Variants in AGBL1 observed in about 807,000 individuals in gnomAD.
AGBL1 encodes AGBL carboxypeptidase 1.
In AGBL1, 130 loss-of-function variants were observed where a neutral mutation model predicts 118.9. The observed-to-expected ratio is 1.09, with a 90% CI of 0.95 to 1.26. The LOEUF (loss-of-function observed/expected upper bound fraction) is 1.26, where lower values mean the gene tolerates loss of function less well. AGBL1 is among the 50% of genes most tolerant of loss of function. The probability of loss-of-function intolerance (pLI) is 0.00; values close to 1 mark genes in which losing one functional copy is unlikely to be tolerated. For missense variants in AGBL1, 1,584 were observed against 1,298.1 expected, an observed-to-expected ratio of 1.22 and a Z score of -3.38; for synonymous variants, 555 against 478.9, an observed-to-expected ratio of 1.16 and a Z score of -2.08.
rs554005610 is a variant in AGBL1, at chr15:86,094,205, A to G, written c.51+14182A>G. On this transcript the variant is annotated intron_variant, in intron 1 of 22. Transcript: ENST00000614907. ...TTAAGCTCTCATTTATAAGCTTGTG[A>G]TTAATTTTCGACCAAAACTCTCCCT... Among the ~76,000 whole-genome samples, 357 of 152,250 alleles carry G rather than the reference A, an allele frequency of 2.3e-3. 15 individuals are homozygous for G. The South Asian group carries it at 0.067, about 28-fold the overall frequency.
At chr15:86,288,518 G>A (rs1199579712) in intron 16 of AGBL1, among the ~76,000 whole-genome samples, 2 of 151,548 alleles carry the variant, frequency 1.3e-5, no homozygotes, top group Non-Finnish European at 2.9e-5. Context: ...TTTTATTTTT[G>A]CTGTTTCGAA....
At chr15:86,110,463 ATCATCTTAAGGGTCT>A (rs1240918956) in intron 1 of AGBL1, among the ~76,000 whole-genome samples, 1 of 152,188 alleles carries the variant, frequency 6.6e-6, no homozygotes, top group African/African-American at 2.4e-5. Flanking sequence ...GTGGGAGTGG[ATCATCTTAAGGGTCT>A]TCATCCTCAT....
rs2080366818 is a variant in AGBL1 at position 86,912,612 on chromosome 15, A to G, written c.*5318A>G. On this transcript the variant is annotated 3_prime_UTR_variant, in exon 23 of 23. Coordinates refer to ENST00000614907, the MANE Select transcript of AGBL1 (RefSeq NM_001386094.1). ...GGGCTGCCAACACAAGGAAGGTCAT[A>G]TTACACCCTTTCATTTATCAGCCTG... 1 of 152,154 alleles carries G rather than the reference A, an allele frequency of 6.6e-6. No individual in the cohort carries two copies. The highest frequency in any genetic ancestry group is 6.5e-5 in the Admixed American group (1 of 15,278). 9.4% of individuals were successfully genotyped at this position (152,154 alleles called of 1,614,324 possible).
chr15:86,178,030 C>T (rs1382419500), intron 5 of AGBL1, among the ~76,000 whole-genome samples: 1 of 152,084 alleles, frequency 6.6e-6, no homozygotes, highest in Non-Finnish European at 1.5e-5. Flanking sequence ...AACTTCATTC[C>T]AGGCTGGGCA....
intron 22 of AGBL1, among the ~76,000 whole-genome samples, chr15:86,763,668 A>G (rs1253144409): frequency 2.6e-5 from 4 of 151,990 alleles, no homozygotes; most frequent in Non-Finnish European, 4.4e-5. Context: ...TCACTTGTCA[A>G]TCATAGGAAA....
intron 22 of AGBL1, among the ~76,000 whole-genome samples, chr15:86,714,600 A>C (rs1456305011): frequency 6.6e-6 from 1 of 152,240 alleles, no homozygotes; most frequent in Non-Finnish European, 1.5e-5. Flanking sequence ...AAAAGTTTAC[A>C]GACCCTGAAT....
chr15:86,837,263 C>T (rs988537139), intron 22 of AGBL1, among the ~76,000 whole-genome samples: 6 of 150,778 alleles, frequency 4.0e-5, no homozygotes, highest in African/African-American at 1.2e-4. Context: ...AAAATGACTA[C>T]TAAGCCTTCC....
intron 19 of AGBL1, among the ~76,000 whole-genome samples, chr15:86,534,079 A>T (rs1318260880): frequency 4.6e-5 from 6 of 130,720 alleles, no homozygotes; most frequent in Non-Finnish European, 6.4e-5. Context: ...AACCTGCACA[A>T]TGTGCACATG....
chr15:86,498,270 T>C lies in AGBL1; in HGVS notation c.2556-24540T>C, dbSNP rs77278247. Among the ~76,000 whole-genome samples, 534 of 152,056 alleles carry C rather than the reference T, an allele frequency of 3.5e-3. 3 individuals are homozygous for C. The highest frequency in any genetic ancestry group is 0.012 in the African/African-American group (513 of 41,528). ...TATCTCCTTCACATATTTATGGTTT[T>C]GGTTGGCAGGCTTCAATAACTAGAC... On this transcript the variant is annotated intron_variant, in intron 18 of 22. Transcript: ENST00000614907.
intron 3 of AGBL1, among the ~76,000 whole-genome samples, chr15:86,151,336 A>G (rs2077107394): frequency 1.4e-4 from 21 of 152,036 alleles, no homozygotes; most frequent in Admixed American, 1.4e-3. Flanking sequence ...CACCACAATC[A>G]AGTCAGCTTC....
chr15:86,302,846 G>T (rs944932750), intron 17 of AGBL1, among the ~76,000 whole-genome samples: 1 of 151,634 alleles, frequency 6.6e-6, no homozygotes, highest in Non-Finnish European at 1.5e-5. Flanking sequence ...TGTGGAATGA[G>T]TATGGGGACA....
rs147961294 is a variant in AGBL1, at chr15:86,830,915, A to G, written c.3159-76172A>G. Among the ~76,000 whole-genome samples, 348 of 152,326 alleles carry G rather than the reference A, an allele frequency of 2.3e-3. 1 individual carries two copies. Among genetic ancestry groups the G allele is most frequent in the African/African-American group, 8.0e-3 (334 of 41,570 alleles). On this transcript the variant is annotated intron_variant, in intron 22 of 22. Transcript: ENST00000614907. ...ATTAGTCTTTTCTCATGCTGCTGAT[A>G]AAGACATACCCAAGACTGGGTAATA... is the stretch of plus-strand genomic sequence containing the variant.
intron 17 of AGBL1, among the ~76,000 whole-genome samples, chr15:86,342,187 T>C (rs890819883): frequency 6.6e-6 from 1 of 152,222 alleles, no homozygotes; most frequent in Non-Finnish European, 1.5e-5. Flanking sequence ...GTACTCAATG[T>C]GTTCATGAGC....
At chr15:86,214,104 A>T (rs1489424659) in intron 5 of AGBL1, among the ~76,000 whole-genome samples, 1 of 152,236 alleles carries the variant, frequency 6.6e-6, no homozygotes, top group African/African-American at 2.4e-5. Context: ...GCATATGGCC[A>T]TGTTACATCT....
At chr15:86,174,730 C>G (rs1476171110) in intron 5 of AGBL1, among the ~76,000 whole-genome samples, 2 of 151,926 alleles carry the variant, frequency 1.3e-5, no homozygotes, top group Non-Finnish European at 2.9e-5. Flanking sequence ...TATGAAATGC[C>G]TTTTCTACAT....
At chr15:86,159,903 A>G (rs2077243199) in intron 5 of AGBL1, among the ~76,000 whole-genome samples, 1 of 152,014 alleles carries the variant, frequency 6.6e-6, no homozygotes, top group South Asian at 2.1e-4. Context: ...AGCTCTCTAC[A>G]CCAAGCATTT....
chr15:86,279,826 G>T (rs1353664394), intron 16 of AGBL1, 43 bp downstream of exon 16: 2 of 1,601,722 alleles, frequency 1.2e-6, no homozygotes, highest in Admixed American at 1.7e-5. Context: ...GACTGAAGGG[G>T]CTCTCTGAGG....
Position 86,143,769 on chromosome 15 carries a change from C to T in AGBL1, c.186C>T (p.Asp62=), listed in dbSNP as rs1168208299. The change falls in exon 3 of 23, where the codon GAC becomes GAT. Residue 62 remains aspartate (D), a synonymous_variant. Transcript: ENST00000614907. The part of the protein sequence containing the change: ...GSEALLQTLV[D]TARTAPPDYD... The stretch of plus-strand genomic sequence containing the variant: ...AAGCTCTTCTGCAGACCCTGGTAGA[C>T]ACAGCGAGGACAGCTCCTCCAGACT... The T allele has an allele frequency of 6.2e-7, 1 of 1,613,928 alleles. No homozygotes were observed. The highest frequency in any genetic ancestry group is 1.1e-5 in the South Asian group (1 of 91,080).
intron 22 of AGBL1, among the ~76,000 whole-genome samples, chr15:86,846,675 G>A (rs899663196): frequency 3.9e-5 from 6 of 152,108 alleles, no homozygotes; most frequent in Non-Finnish European, 1.5e-5. Flanking sequence ...GGGTCCACAC[G>A]TGTGCGCCAT....
Sources: allele counts gnomAD v4.1 joint callset (sites outside exome capture counted in the v4.1 genomes callset), GRCh38; gene constraint gnomAD v4.1.1; transcripts MANE v1.5; gene names NCBI Gene and HGNC (gene_info 2026-07-23, HGNC 2026-07-21).